Variants in NRXN3 observed in about 807,000 individuals in gnomAD.
NRXN3 encodes the protein neurexin 3.
In NRXN3, 32 loss-of-function variants were observed where a neutral mutation model predicts 137.6. That is an observed-to-expected ratio of 0.23 (90% CI 0.18 to 0.31). The LOEUF is 0.31. Ranked by LOEUF, NRXN3 falls within the 10% of genes least tolerant of loss-of-function variation. The probability of loss-of-function intolerance (pLI) is 1.00; values close to 1 mark genes in which losing one functional copy is unlikely to be tolerated. For missense variants in NRXN3, 1,574 were observed against 2,062.5 expected, an observed-to-expected ratio of 0.76 and a Z score of 4.59; for synonymous variants, 798 against 784.5, an observed-to-expected ratio of 1.02 and a Z score of -0.29.
intron 4 of NRXN3, among the ~76,000 whole-genome samples, chr14:78,444,676 T>C (rs533175044): frequency 2.0e-5 from 3 of 151,882 alleles, no homozygotes; most frequent in East Asian, 3.9e-4. Flanking sequence ...TCCCAGCACT[T>C]TGGGAGGCTG....
At chr14:79,847,676 G>A (rs1438755088) in intron 20 of NRXN3, among the ~76,000 whole-genome samples, 2 of 152,142 alleles carry the variant, frequency 1.3e-5, no homozygotes, top group East Asian at 3.9e-4. Context: ...TGATGGTCCT[G>A]AAGAGACCAA....
chr14:78,399,156 T>C (rs540774319), intron 4 of NRXN3, among the ~76,000 whole-genome samples: 57 of 152,324 alleles, frequency 3.7e-4, no homozygotes, highest in Non-Finnish European at 6.5e-4. Flanking sequence ...AGAAAACTTA[T>C]TGCTGTGTCA....
chr14:78,873,927 A>G (rs1221512134), intron 10 of NRXN3, among the ~76,000 whole-genome samples: 1 of 151,684 alleles, frequency 6.6e-6, no homozygotes. Flanking sequence ...TAGGAATTTT[A>G]TCTGTAGTCA....
At chr14:79,062,460 G>A (rs1310262065) in intron 15 of NRXN3, among the ~76,000 whole-genome samples, 5 of 152,152 alleles carry the variant, frequency 3.3e-5, no homozygotes, top group Admixed American at 3.3e-4. Flanking sequence ...TTCCAGGAAT[G>A]TCCTTACTGA....
rs538387400 is a variant in NRXN3, at chr14:79,793,340, G to A, written c.4015-11772G>A. ...TGAGGCAGGAGAATGGCGTGAACCC[G>A]GGAGGCGGAGCTTGCAGTGAGCCGA... is the stretch of plus-strand genomic sequence containing the variant. On this transcript the variant is annotated intron_variant, in intron 19 of 20. Transcript: ENST00000335750. Among the ~76,000 whole-genome samples, 18 of 152,238 alleles carry A rather than the reference G, an allele frequency of 1.2e-4. No individual in the cohort carries two copies. The South Asian group carries it at 3.7e-3, about 32-fold the overall frequency.
intron 18 of NRXN3, among the ~76,000 whole-genome samples, chr14:79,693,091 G>A (rs2098722266): frequency 6.6e-6 from 1 of 151,994 alleles, no homozygotes; most frequent in African/African-American, 2.4e-5. Flanking sequence ...ACTGATGTTA[G>A]AATTTTCCTG....
chr14:78,855,675 T>A (rs2099055097), intron 10 of NRXN3, among the ~76,000 whole-genome samples: 1 of 152,174 alleles, frequency 6.6e-6, no homozygotes, highest in South Asian at 2.1e-4. Flanking sequence ...AAAAATAATT[T>A]GAAGAAAGTG....
rs117837428 is a variant in NRXN3, at chr14:79,682,370, C to T, written c.3617-9803C>T. ...GAATTAATTTGCCAAGTAGAATTAA[C>T]GAGGCATTGTATGAATTCAAGACAT... On this transcript the variant is annotated intron_variant, in intron 17 of 20. Transcript: ENST00000335750. Among the ~76,000 whole-genome samples, 373 of 152,252 alleles carry T rather than the reference C, an allele frequency of 2.4e-3. 6 individuals carry two copies. In the South Asian group the frequency reaches 0.042, roughly 17 times the overall value.
chr14:78,383,536 A>G (rs1487560057), intron 4 of NRXN3, among the ~76,000 whole-genome samples: 1 of 152,160 alleles, frequency 6.6e-6, no homozygotes, highest in Non-Finnish European at 1.5e-5. Flanking sequence ...TTGATCTTGG[A>G]AGACTGGGAT....
intron 1 of NRXN3, among the ~76,000 whole-genome samples, chr14:78,201,293 C>T (rs1048586057): frequency 3.3e-5 from 5 of 152,202 alleles, no homozygotes; most frequent in African/African-American, 1.2e-4. Context: ...AGCCTAAATT[C>T]TCCACACTGT....
At chr14:78,225,046 G>A (rs1308115330) in intron 1 of NRXN3, among the ~76,000 whole-genome samples, 7 of 152,142 alleles carry the variant, frequency 4.6e-5, no homozygotes, top group East Asian at 1.9e-4. Flanking sequence ...GATTACAGGC[G>A]TGAGCCACCG....
chr14:79,727,980 T>TC (rs913364930), intron 19 of NRXN3, among the ~76,000 whole-genome samples: 25 of 152,154 alleles, frequency 1.6e-4, no homozygotes, highest in African/African-American at 5.5e-4. Flanking sequence ...GCAAGGCACC[T>TC]CTTGGCAGTA....
chr14:79,720,214 G>A (rs371010348), intron 19 of NRXN3, among the ~76,000 whole-genome samples: 6 of 151,996 alleles, frequency 3.9e-5, no homozygotes, highest in South Asian at 2.1e-4. Context: ...GTGTGCAGGC[G>A]AGCTCCCATT....
In NRXN3 at chr14:79,782,926, G is replaced by GGAATAACTCCTT. The variant is rs563632288; in HGVS notation, c.4015-22182_4015-22171dup. On this transcript the variant is annotated intron_variant, in intron 19 of 20. Transcript: ENST00000335750. ...ATTTGTAGAATAGCACCTGGATTCA[G>GGAATAACTCCTT]GAATAACTCCTTGAAGTGTCCCCCT... Among the ~76,000 whole-genome samples the GGAATAACTCCTT allele has an allele frequency of 1.6e-3, 243 of 152,248 alleles. 3 individuals are homozygous for GGAATAACTCCTT. Among genetic ancestry groups the GGAATAACTCCTT allele is most frequent in the South Asian group, 6.0e-3 (29 of 4,830 alleles).
chr14:78,447,946 C>T (rs1021747238), intron 4 of NRXN3, among the ~76,000 whole-genome samples: 3 of 152,216 alleles, frequency 2.0e-5, no homozygotes, highest in Admixed American at 6.5e-5. Context: ...TATTCCCTGA[C>T]ATGCTCTGTT....
intron 2 of NRXN3, among the ~76,000 whole-genome samples, chr14:78,254,546 G>T (rs868384509): frequency 2.0e-5 from 3 of 152,244 alleles, no homozygotes; most frequent in African/African-American, 7.2e-5. Context: ...GAGTGTGGTG[G>T]CAGGCACCTG....
At chr14:79,721,959 A>C (rs1225215116) in intron 19 of NRXN3, among the ~76,000 whole-genome samples, 1 of 152,098 alleles carries the variant, frequency 6.6e-6, no homozygotes, top group East Asian at 1.9e-4. Flanking sequence ...TAGAGAGCTA[A>C]GTCATGTTTA....
intron 15 of NRXN3, among the ~76,000 whole-genome samples, chr14:79,409,591 T>G (rs1010779856): frequency 5.3e-5 from 7 of 131,230 alleles, no homozygotes; most frequent in African/African-American, 1.9e-4. Context: ...TACCCTGTCT[T>G]AGCAAGTGTG....
At chr14:78,345,687 A>G (rs558204580) in intron 4 of NRXN3, among the ~76,000 whole-genome samples, 125 of 152,122 alleles carry the variant, frequency 8.2e-4, no homozygotes, top group Non-Finnish European at 1.5e-3. Flanking sequence ...ATGGGTTATA[A>G]AGAGGAACCC....
Sources: allele counts gnomAD v4.1 joint callset (sites outside exome capture counted in the v4.1 genomes callset), GRCh38; gene constraint gnomAD v4.1.1; transcripts MANE v1.5; gene names NCBI Gene and HGNC (gene_info 2026-07-23, HGNC 2026-07-21).